MOB3B: variants seen among roughly 807,000 people sequenced by gnomAD.
The protein encoded by MOB3B is MOB kinase activator-like 2B.
A neutral mutation model predicts 18.7 loss-of-function variants in MOB3B; 7 were observed. That is an observed-to-expected ratio of 0.37 (90% CI 0.21 to 0.70). MOB3B has a LOEUF of 0.70. MOB3B is among the 30% of genes least tolerant of loss of function. The pLI is 0.52. For missense variants in MOB3B, 253 were observed against 281.3 expected (o/e 0.90, Z 0.72); for synonymous variants, 111 against 99.9 (o/e 1.11, Z -0.66).
chr9:27,455,867 T>C (rs1292104411), intron 1 of MOB3B, 119 bp from the exon 2 acceptor site: 6 of 1,048,066 alleles, frequency 5.7e-6, no homozygotes, highest in East Asian at 4.4e-5. Context: ...TCCAGGTATA[T>C]GGGCATGGGG....
intron 2 of MOB3B, among the ~76,000 whole-genome samples, chr9:27,376,553 G>A (rs1460302518): frequency 2.0e-5 from 3 of 152,186 alleles, no homozygotes; most frequent in African/African-American, 7.2e-5. Flanking sequence ...GTATAGCAGT[G>A]GTTCTCAACC....
chr9:27,359,378 T>TG (rs1344684348), intron 2 of MOB3B, 142 bp from the exon 3 acceptor site: 41,515 of 274,190 alleles, frequency 0.15, 2,923 homozygotes, highest in Middle Eastern at 0.19. Context: ...TGTGTGTGTG[T>TG]GGGGGGGGGG....
Position 27,489,537 on chromosome 9 carries a change from C to T in MOB3B, c.-198-33789G>A, listed in dbSNP as rs901579671. Among the ~76,000 whole-genome samples, 6 of 152,198 alleles carry T rather than the reference C, an allele frequency of 3.9e-5. No individual in the cohort carries two copies. In the South Asian group the frequency reaches 1.0e-3, roughly 26 times the overall value. On this transcript the variant is annotated intron_variant, in intron 1 of 3. Transcript: ENST00000262244. The stretch of plus-strand genomic sequence containing the variant: ...CTCTCACTATGGAAAGAGAGAAAGG[C>T]TATGTTGCTGGTATACAATGCTGCC...
At chr9:27,414,233 T>C (rs987078311) in intron 2 of MOB3B, among the ~76,000 whole-genome samples, 1 of 152,204 alleles carries the variant, frequency 6.6e-6, no homozygotes, top group South Asian at 2.1e-4. Flanking sequence ...TCAGAGAACT[T>C]TGGACCATGA....
chr9:27,357,128 A>G (rs1285075871), intron 3 of MOB3B, among the ~76,000 whole-genome samples: 1 of 82,794 alleles, frequency 1.2e-5, no homozygotes, highest in African/African-American at 4.5e-5. Context: ...GCAAATATAT[A>G]TATATATATA....
intron 2 of MOB3B, among the ~76,000 whole-genome samples, chr9:27,398,411 T>C (rs12344703): frequency 0.29 from 44,561 of 151,682 alleles, 7,325 homozygotes; most frequent in Non-Finnish European, 0.37. Context: ...TTTCTTTTTT[T>C]AGTTATAAAA....
At chr9:27,487,176 G>T (rs1430124518) in intron 1 of MOB3B, among the ~76,000 whole-genome samples, 2 of 67,408 alleles carry the variant, frequency 3.0e-5, no homozygotes, top group Non-Finnish European at 6.3e-5. Context: ...AATTCTTAGC[G>T]TTGGGAGGCA....
At chr9:27,497,198 C>T (rs1322371179) in intron 1 of MOB3B, among the ~76,000 whole-genome samples, 1 of 152,154 alleles carries the variant, frequency 6.6e-6, no homozygotes, top group Non-Finnish European at 1.5e-5. Context: ...GTGGAGGTTA[C>T]TTTAAAGGCC....
intron 2 of MOB3B, among the ~76,000 whole-genome samples, chr9:27,424,371 T>C (rs1449544272): frequency 2.0e-5 from 3 of 152,152 alleles, no homozygotes; most frequent in Non-Finnish European, 4.4e-5. Flanking sequence ...CACAGAATAA[T>C]GTGTATGAGG....
chr9:27,405,775 T>A (rs896010260), intron 2 of MOB3B, among the ~76,000 whole-genome samples: 1 of 152,094 alleles, frequency 6.6e-6, no homozygotes, highest in Non-Finnish European at 1.5e-5. Context: ...ATTCAACATA[T>A]GCAAATCAAT....
chr9:27,489,744 T>TTTTTTTTTTTTTTTTTTC lies in MOB3B; in HGVS notation c.-198-33997_-198-33996insGAAAAAAAAAAAAAAAAA, dbSNP rs1819786622. ...TCACACCAGATAAGGAAATAATCTT[T>TTTTTTTTTTTTTTTTTTC]TTTTTTTTTTGGTCCAACAGGGCAC... On this transcript the variant is annotated intron_variant, in intron 1 of 3. Transcript: ENST00000262244. 1.4e-5 allele frequency among the ~76,000 whole-genome samples: 2 copies of TTTTTTTTTTTTTTTTTTC among 141,284 alleles called. 1 individual carries two copies. Among genetic ancestry groups the TTTTTTTTTTTTTTTTTTC allele is most frequent in the Non-Finnish European group, 3.1e-5 (2 of 64,860 alleles). 92.7% of individuals were successfully genotyped at this position (141,284 alleles called of 152,430 possible). A position where few individuals can be genotyped will look rare whatever the true frequency, so the allele number is the denominator to read the frequency against.
chr9:27,398,942 C>CT (rs1392882046), intron 2 of MOB3B, among the ~76,000 whole-genome samples: 8 of 138,628 alleles, frequency 5.8e-5, no homozygotes, highest in African/African-American at 2.1e-4. Flanking sequence ...TGGGTGGCTA[C>CT]TTTTTTTTTA....
chr9:27,485,876 C>A (rs1819722796), intron 1 of MOB3B, among the ~76,000 whole-genome samples: 1 of 152,208 alleles, frequency 6.6e-6, no homozygotes, highest in African/African-American at 2.4e-5. Context: ...TTGCTAACCA[C>A]ATAAGTGCAA....
chr9:27,372,037 C>T (rs959985924), intron 2 of MOB3B, among the ~76,000 whole-genome samples: 2 of 152,198 alleles, frequency 1.3e-5, no homozygotes, highest in African/African-American at 4.8e-5. Flanking sequence ...AAAACACTCT[C>T]GTAGCACTGA....
chr9:27,390,245 G>A (rs941227880), intron 2 of MOB3B, among the ~76,000 whole-genome samples: 13 of 151,748 alleles, frequency 8.6e-5, no homozygotes, highest in Non-Finnish European at 1.8e-4. Flanking sequence ...ATGCCACCAC[G>A]CCTGGCTAAT....
At chr9:27,506,509 C>G (rs1163948380) in intron 1 of MOB3B, among the ~76,000 whole-genome samples, 2 of 149,622 alleles carry the variant, frequency 1.3e-5, no homozygotes, top group Non-Finnish European at 1.5e-5. Flanking sequence ...TGTGCCAGAC[C>G]CTTTAATTAT....
intron 1 of MOB3B, among the ~76,000 whole-genome samples, chr9:27,522,975 C>T (rs1820363815): frequency 2.0e-5 from 3 of 151,758 alleles, no homozygotes; most frequent in South Asian, 2.1e-4. Context: ...TTTAAGAAAT[C>T]CCACTTACCC....
At chr9:27,411,920 TGGGA>T (rs1822072751) in intron 2 of MOB3B, among the ~76,000 whole-genome samples, 1 of 152,106 alleles carries the variant, frequency 6.6e-6, no homozygotes, top group Non-Finnish European at 1.5e-5. Flanking sequence ...GGGGAAATTG[TGGGA>T]GGAAGGGGCA....
chr9:27,420,416 C>T (rs1421480837), intron 2 of MOB3B, among the ~76,000 whole-genome samples: 4 of 151,258 alleles, frequency 2.6e-5, no homozygotes, highest in Non-Finnish European at 5.9e-5. Context: ...AATTGTCCAT[C>T]GATCAACGAG....
Sources: gnomAD v4.1 joint callset for allele counts (sites outside exome capture counted in the v4.1 genomes callset) on GRCh38, gnomAD v4.1.1 for gene constraint, MANE v1.5 for transcripts, NCBI Gene and HGNC (gene_info 2026-07-23, HGNC 2026-07-21) for gene names.